DNAJC12: variants seen among roughly 807,000 people sequenced by gnomAD.
DNAJC12 encodes DnaJ heat shock protein family (Hsp40) member C12, also known as dnaJ homolog subfamily C member 12.
A neutral mutation model predicts 28.5 loss-of-function variants in DNAJC12; 25 were observed. The observed-to-expected ratio is 0.88, with a 90% CI of 0.64 to 1.22. The LOEUF (loss-of-function observed/expected upper bound fraction) is 1.22, where lower values mean the gene tolerates loss of function less well. Among genes scored for constraint, DNAJC12 ranks in the 50% most tolerant of loss-of-function variants. The pLI, the probability that DNAJC12 is intolerant of heterozygous loss-of-function variation, is 0.00. For synonymous variants in DNAJC12, 77 were observed against 80.6 expected (o/e 0.95, Z 0.24); for missense variants, 222 against 231.7 (o/e 0.96, Z 0.27).
chr10:67,801,739 G>A (rs1451997209), intron 4 of DNAJC12, among the ~76,000 whole-genome samples: 5 of 144,250 alleles, frequency 3.5e-5, no homozygotes, highest in African/African-American at 7.6e-5. Context: ...GCAGTGAGCC[G>A]AGACAGTGCC....
At chr10:67,825,616 T>G (rs1385338148) in intron 1 of DNAJC12, 1 of 1,936 alleles carries the variant, frequency 5.2e-4, no homozygotes, top group South Asian at 0.12. Flanking sequence ...TCATCAGGCT[T>G]AGGAAATTCT....
chr10:67,809,078 T>C (rs905640215), intron 3 of DNAJC12, among the ~76,000 whole-genome samples: 1 of 152,192 alleles, frequency 6.6e-6, no homozygotes, highest in African/African-American at 2.4e-5. Flanking sequence ...TGTCAAATGA[T>C]CAATTCACCA....
chr10:67,814,981 C>T (rs567001970), intron 2 of DNAJC12, among the ~76,000 whole-genome samples: 8 of 152,064 alleles, frequency 5.3e-5, no homozygotes, highest in Non-Finnish European at 1.2e-4. Flanking sequence ...GCCATATGAC[C>T]CAACTATTAT....
intron 3 of DNAJC12, among the ~76,000 whole-genome samples, chr10:67,806,711 G>C (rs952336478): frequency 6.6e-6 from 1 of 151,916 alleles, no homozygotes; most frequent in Non-Finnish European, 1.5e-5. Flanking sequence ...TGTAATCCCA[G>C]CTACTCAGGA....
Position 67,797,046 on chromosome 10 carries a change from A to T in DNAJC12, c.*70T>A. 6 of 1,222,680 alleles carry T rather than the reference A, an allele frequency of 4.9e-6. No individual in the cohort carries two copies. Among genetic ancestry groups the T allele is most frequent in the Non-Finnish European group, 5.8e-6 (5 of 859,198 alleles). 75.7% of individuals were successfully genotyped at this position (1,222,680 alleles called of 1,614,324 possible). The stretch of plus-strand genomic sequence containing the variant: ...CATAAACATGACATTTTTAAGACAT[A>T]AACAAAGACTGCATGTTGGCAGCAT... On this transcript the variant is annotated 3_prime_UTR_variant, in exon 5 of 5. Coordinates refer to ENST00000225171, the MANE Select transcript of DNAJC12 (RefSeq NM_021800.3).
chr10:67,819,765 A>G (rs1399777318), intron 2 of DNAJC12, among the ~76,000 whole-genome samples: 288 of 19,144 alleles, frequency 0.015, 21 homozygotes, highest in African/African-American at 0.046. Flanking sequence ...GAAGGAAGGA[A>G]GGAAGGAAGG....
intron 1 of DNAJC12, among the ~76,000 whole-genome samples, chr10:67,831,165 G>C (rs1842090117): frequency 6.6e-6 from 1 of 152,166 alleles, no homozygotes; most frequent in Non-Finnish European, 1.5e-5. Flanking sequence ...TCCAGTCTGG[G>C]CCACAGGGTG....
intron 1 of DNAJC12, among the ~76,000 whole-genome samples, chr10:67,824,869 G>A (rs1311701116): frequency 1.3e-5 from 2 of 151,960 alleles, no homozygotes; most frequent in Admixed American, 1.3e-4. Context: ...AAGTAGCTGG[G>A]ATTACAGGTG....
chr10:67,823,305 A>T lies in DNAJC12; in HGVS notation c.157+9T>A. On this transcript the variant is annotated intron_variant, in intron 2 of 4. Coordinates refer to ENST00000225171, the MANE Select transcript of DNAJC12 (RefSeq NM_021800.3). ...TTTTCTTGAGAAGTAGCCTTTATTAAGTTCTTACCAGCTTTGGGGTTTTCA... is the reference window on the plus strand; with the variant it reads ...TTTTCTTGAGAAGTAGCCTTTATTATGTTCTTACCAGCTTTGGGGTTTTCA... The T allele has an allele frequency of 6.2e-7, 1 of 1,613,096 alleles. No individual in the cohort carries two copies. Among genetic ancestry groups the T allele is most frequent in the Non-Finnish European group, 8.5e-7 (1 of 1,179,162 alleles).
chr10:67,832,372 A>C (rs1391828826), intron 1 of DNAJC12, among the ~76,000 whole-genome samples: 1 of 152,100 alleles, frequency 6.6e-6, no homozygotes, highest in East Asian at 1.9e-4. Context: ...TTTTTCCCAC[A>C]AAATTCCAGA....
Position 67,838,053 on chromosome 10 carries a change from G to C in DNAJC12, c.-42C>G. ...GTCCTTCTTCCCTCGGAAACAAGAG[G>C]CACAGTGAGCTTCGAATTAACAGGA... is the stretch of plus-strand genomic sequence containing the variant. On this transcript the variant is annotated 5_prime_UTR_variant, in exon 1 of 5. Transcript: ENST00000225171. 1 of 1,327,776 alleles carries C rather than the reference G, an allele frequency of 7.5e-7. No individual in the cohort carries two copies. Among genetic ancestry groups the C allele is most frequent in the Non-Finnish European group, 1.1e-6 (1 of 935,940 alleles). 82.2% of individuals were successfully genotyped at this position (1,327,776 alleles called of 1,614,324 possible).
chr10:67,831,913 A>G (rs1048310548), intron 1 of DNAJC12, among the ~76,000 whole-genome samples: 1 of 152,254 alleles, frequency 6.6e-6, no homozygotes, highest in Non-Finnish European at 1.5e-5. Flanking sequence ...TGGCTAATTC[A>G]TTAAGAGTGA....
At chr10:67,825,116 C>T (rs1375082908) in intron 1 of DNAJC12, among the ~76,000 whole-genome samples, 2 of 152,186 alleles carry the variant, frequency 1.3e-5, no homozygotes, top group African/African-American at 4.8e-5. Flanking sequence ...GTTTACTCAT[C>T]TTTACATCAG....
chr10:67,806,959 A>C (rs999502734), intron 3 of DNAJC12, among the ~76,000 whole-genome samples: 1 of 152,002 alleles, frequency 6.6e-6, no homozygotes, highest in African/African-American at 2.4e-5. Context: ...ATATATGTAC[A>C]ATTAGAAAAC....
At chr10:67,834,285 T>C (rs533700771) in intron 1 of DNAJC12, among the ~76,000 whole-genome samples, 1 of 152,326 alleles carries the variant, frequency 6.6e-6, no homozygotes, top group African/African-American at 2.4e-5. Flanking sequence ...TTTACAACTT[T>C]TCTGTAAGTC....
intron 1 of DNAJC12, among the ~76,000 whole-genome samples, chr10:67,833,438 CCTCTCTCTCTCT>C (rs3084613): frequency 1.3e-5 from 2 of 149,272 alleles, no homozygotes; most frequent in African/African-American, 4.9e-5. Context: ...TCTCCCTCTC[CCTCTCTCTCTCT>C]CTCTCTCTCT....
At chr10:67,809,903 C>T (rs1039881469) in intron 3 of DNAJC12, among the ~76,000 whole-genome samples, 3 of 152,118 alleles carry the variant, frequency 2.0e-5, no homozygotes, top group African/African-American at 4.8e-5. Flanking sequence ...ATGTATACTA[C>T]TCAGGTGATG....
At chr10:67,831,939 G>A (rs1473667880) in intron 1 of DNAJC12, among the ~76,000 whole-genome samples, 1 of 152,192 alleles carries the variant, frequency 6.6e-6, no homozygotes, top group Non-Finnish European at 1.5e-5. Context: ...TTCCAGTGAT[G>A]GAAATTCATA....
In DNAJC12 at chr10:67,810,628, T is replaced by C. The variant is rs372947936; in HGVS notation, c.297+896A>G. ...AGGGAATTTATGAGATTTAACAATC[T>C]AGCCAGGTGCGATGGCTCATGCCTG... On this transcript the variant is annotated intron_variant, in intron 3 of 4. Coordinates refer to ENST00000225171, the MANE Select transcript of DNAJC12 (RefSeq NM_021800.3). Among the ~76,000 whole-genome samples the C allele has an allele frequency of 1.2e-3, 183 of 152,306 alleles. 3 individuals carry two copies. The highest frequency in any genetic ancestry group is 4.1e-3 in the African/African-American group (169 of 41,574).
Sources: gnomAD v4.1 joint callset for allele counts (sites outside exome capture counted in the v4.1 genomes callset) on GRCh38, gnomAD v4.1.1 for gene constraint, MANE v1.5 for transcripts, NCBI Gene and HGNC (gene_info 2026-07-23, HGNC 2026-07-21) for gene names.